PPARD: variants seen among roughly 807,000 people sequenced by gnomAD.
PPARD encodes peroxisome proliferator activated receptor delta, also known as peroxisome proliferator-activated receptor delta.
In PPARD, 6 loss-of-function variants were observed where a neutral mutation model predicts 39.5. The ratio of observed to expected loss-of-function variants is 0.15; its 90% confidence interval spans 0.08 to 0.30. The LOEUF (loss-of-function observed/expected upper bound fraction) is 0.30, where lower values mean the gene tolerates loss of function less well. Ranked by LOEUF, PPARD falls within the 10% of genes least tolerant of loss-of-function variation. The probability of loss-of-function intolerance (pLI) is 1.00; values close to 1 mark genes in which losing one functional copy is unlikely to be tolerated. For missense variants in PPARD, 397 were observed against 596.8 expected (o/e 0.67, Z 3.49); for synonymous variants, 210 against 231.3 (o/e 0.91, Z 0.83).
intron 2 of PPARD, among the ~76,000 whole-genome samples, chr6:35,410,059 T>TA (rs1434066520): frequency 1.3e-5 from 2 of 152,144 alleles, no homozygotes; most frequent in East Asian, 3.8e-4. Context: ...GTTGCTAAAG[T>TA]AAAGATTACT....
rs1473822510 is a variant in PPARD, at chr6:35,401,415, A to C, written c.-101-9572A>C. 6.6e-6 allele frequency among the ~76,000 whole-genome samples: 1 copy of C among 152,130 alleles called. No homozygotes were observed. Among genetic ancestry groups the C allele is most frequent in the East Asian group, 1.9e-4 (1 of 5,186 alleles). Reference sequence around the variant, plus strand: ...GTCTGTTCTCCACAGCAGCCTGAAAAGTCTTTGTAAAAATGCAGCTCTGTT... The same window carrying C: ...GTCTGTTCTCCACAGCAGCCTGAAACGTCTTTGTAAAAATGCAGCTCTGTT... On this transcript the variant is annotated intron_variant, in intron 2 of 7. Transcript: ENST00000360694. This position sits in a 1 kb window ranked among gnomAD's most constrained non-coding sequence, Gnocchi z 4.1.
Position 35,424,243 on chromosome 6 carries a change from T to C in PPARD, c.628-86T>C. Reference sequence around the variant, plus strand: ...GGGAGAGCCAGGCCTTCTCCCTCCCTCAACTTCATGGTGCAGGCAAGGGAC... The same window carrying C: ...GGGAGAGCCAGGCCTTCTCCCTCCCCCAACTTCATGGTGCAGGCAAGGGAC... On this transcript the variant is annotated intron_variant, in intron 6 of 7. Coordinates refer to ENST00000360694, the MANE Select transcript of PPARD (RefSeq NM_006238.5). The surrounding 1 kb of genome is among the most constrained non-coding windows in gnomAD (Gnocchi z 7.1). 1.9e-6 allele frequency: 3 copies of C among 1,592,376 alleles called. No individual in the cohort carries two copies. Among genetic ancestry groups the C allele is most frequent in the Non-Finnish European group, 1.7e-6 (2 of 1,167,904 alleles).
intron 1 of PPARD, among the ~76,000 whole-genome samples, chr6:35,346,419 C>G (rs1792187561): frequency 6.6e-6 from 1 of 152,190 alleles, no homozygotes; most frequent in Non-Finnish European, 1.5e-5. Flanking sequence ...TATATGATGT[C>G]AGAAGCCCTG....
Position 35,355,552 on chromosome 6 carries a change from TAAAAAAAAAAAA to T in PPARD, c.-102+8417_-102+8428del, listed in dbSNP as rs1171537260. ...GGGTGACAGAGTAAGGCCCTGTCTG[TAAAAAAAAAAAA>T]AAAAAAAAAAAAAAGTGCTTTCTTC... is the stretch of plus-strand genomic sequence containing the variant. On this transcript the variant is annotated intron_variant, in intron 2 of 7. Coordinates refer to ENST00000360694, the MANE Select transcript of PPARD (RefSeq NM_006238.5). 1.0e-4 allele frequency among the ~76,000 whole-genome samples: 6 copies of T among 59,418 alleles called. No homozygotes were observed. The East Asian group carries it at 2.1e-3, about 20-fold the overall frequency. The allele number at this position is 59,418 out of a possible 152,430, so 39.0% of individuals were successfully genotyped here.
chr6:35,418,739 C>G (rs1396559408), intron 3 of PPARD, among the ~76,000 whole-genome samples: 2 of 152,092 alleles, frequency 1.3e-5, no homozygotes, highest in Non-Finnish European at 2.9e-5. Flanking sequence ...AAGTTGGGAG[C>G]TAAGGTGCCA....
At position 35,404,953 on chromosome 6, in the gene PPARD, T is replaced by TGTGTGTGTG. The variant is rs1764934030; in HGVS notation, c.-101-6034_-101-6033insGTGTGTGTG. On this transcript the variant is annotated intron_variant, in intron 2 of 7. Coordinates refer to ENST00000360694, the MANE Select transcript of PPARD (RefSeq NM_006238.5). ...GGGGGCTGCATGTGCACTGCAGGCT[T>TGTGTGTGTG]TGTGTGTGTGTGTGTGTGTGTGTGT... 6.9e-4 allele frequency among the ~76,000 whole-genome samples: 98 copies of TGTGTGTGTG among 142,218 alleles called. 1 individual carries two copies. Among genetic ancestry groups the TGTGTGTGTG allele is most frequent in the Admixed American group, 6.2e-3 (90 of 14,564 alleles). 93.3% of individuals were successfully genotyped at this position (142,218 alleles called of 152,430 possible). A position where few individuals can be genotyped will look rare whatever the true frequency, so the allele number is the denominator to read the frequency against.
At chr6:35,391,365 A>T (rs545702767) in intron 2 of PPARD, among the ~76,000 whole-genome samples, 1 of 152,226 alleles carries the variant, frequency 6.6e-6, no homozygotes, top group Non-Finnish European at 1.5e-5. Flanking sequence ...CATTTGCTTG[A>T]TGTGTCATAG....
rs559432216 is a variant in PPARD, at chr6:35,426,249, T to C, written c.*170T>C. 7.3e-5 allele frequency: 58 copies of C among 792,990 alleles called. No homozygotes were observed. In the East Asian group the frequency reaches 8.4e-4, roughly 11 times the overall value. 49.1% of individuals were successfully genotyped at this position (792,990 alleles called of 1,614,324 possible). On this transcript the variant is annotated 3_prime_UTR_variant, in exon 8 of 8. Transcript: ENST00000360694. Reference sequence around the variant, plus strand: ...GGCCTCTGGCTCCCTGTGCCCTCTCTCCCGCTTCCTCCAGCCAGCTCTCTT... The same window carrying C: ...GGCCTCTGGCTCCCTGTGCCCTCTCCCCCGCTTCCTCCAGCCAGCTCTCTT...
Position 35,425,766 on chromosome 6 carries a change from T to C in PPARD, c.1079-66T>C. The C allele has an allele frequency of 6.3e-7, 1 of 1,584,614 alleles. No homozygotes were observed. Among genetic ancestry groups the C allele is most frequent in the South Asian group, 1.1e-5 (1 of 87,050 alleles). ...GCCGTCCCCTGGGCCAAGTCACCTC[T>C]TGGGGTGGAAGTAGGGGAGCTCCAC... On this transcript the variant is annotated intron_variant, in intron 7 of 7. Coordinates refer to ENST00000360694, the MANE Select transcript of PPARD (RefSeq NM_006238.5). This position sits in a 1 kb window ranked among gnomAD's most constrained non-coding sequence, Gnocchi z 4.5.
At position 35,425,632 on chromosome 6, in the gene PPARD, T is replaced by C. The variant is rs1280007973; in HGVS notation, c.1079-200T>C. The stretch of plus-strand genomic sequence containing the variant: ...TAATCGGGGGGGAGGTGGGGACAAA[T>C]TGGCAAAAAACAAAAGAAGTGGATT... On this transcript the variant is annotated intron_variant, in intron 7 of 7. Coordinates refer to ENST00000360694, the MANE Select transcript of PPARD (RefSeq NM_006238.5). The surrounding 1 kb of genome is among the most constrained non-coding windows in gnomAD (Gnocchi z 4.5). Among the ~76,000 whole-genome samples the C allele has an allele frequency of 2.0e-5, 3 of 151,818 alleles. No individual in the cohort carries two copies. The highest frequency in any genetic ancestry group is 1.3e-4 in the Admixed American group (2 of 15,244).
chr6:35,417,180 T>C (rs549225484), intron 3 of PPARD, among the ~76,000 whole-genome samples: 27 of 151,824 alleles, frequency 1.8e-4, no homozygotes, highest in Admixed American at 3.3e-4. Context: ...AAATTTTTTA[T>C]AGAGATAGAG....
chr6:35,344,426 G>T (rs1792049129), intron 1 of PPARD, among the ~76,000 whole-genome samples: 1 of 151,872 alleles, frequency 6.6e-6, no homozygotes, highest in African/African-American at 2.4e-5. Flanking sequence ...CTTCTCTGGG[G>T]CTTGAGAGCC....
At chr6:35,394,040 G>A (rs953271179) in intron 2 of PPARD, among the ~76,000 whole-genome samples, 2 of 152,236 alleles carry the variant, frequency 1.3e-5, no homozygotes, top group Non-Finnish European at 2.9e-5. Context: ...TACAAAAGAT[G>A]TTGATGCTCG....
chr6:35,346,906 G>A (rs770033318), intron 1 of PPARD, among the ~76,000 whole-genome samples, 161 bp from the exon 2 acceptor site: 2 of 152,228 alleles, frequency 1.3e-5, no homozygotes, highest in South Asian at 4.1e-4. Context: ...TGCTGACTCA[G>A]GCTCAGAATC....
At chr6:35,395,143 C>G (rs946769873) in intron 2 of PPARD, among the ~76,000 whole-genome samples, 2 of 152,166 alleles carry the variant, frequency 1.3e-5, no homozygotes, top group Non-Finnish European at 2.9e-5. Context: ...ACTGCCTTAT[C>G]CGAAGGTTAA....
chr6:35,354,480 TA>T (rs1481448868), intron 2 of PPARD, among the ~76,000 whole-genome samples: 2 of 151,784 alleles, frequency 1.3e-5, no homozygotes, highest in African/African-American at 2.4e-5. Context: ...TTTGAATTTT[TA>T]GTAGAGATAG....
At chr6:35,407,957 G>A (rs1353078373) in intron 2 of PPARD, among the ~76,000 whole-genome samples, 1 of 152,090 alleles carries the variant, frequency 6.6e-6, no homozygotes, top group African/African-American at 2.4e-5. Context: ...TTAGGATTGC[G>A]TTCAGTTGCA....
chr6:35,416,489 G>A lies in PPARD; in HGVS notation c.131-3638G>A, dbSNP rs186515215. On this transcript the variant is annotated intron_variant, in intron 3 of 7. Transcript: ENST00000360694. ...GTTGATATGTAAGACCAACATAGCCGCTGCCAGCAAGTTACTAACACTTCT... is the reference window on the plus strand; with the variant it reads ...GTTGATATGTAAGACCAACATAGCCACTGCCAGCAAGTTACTAACACTTCT... 5.9e-4 allele frequency among the ~76,000 whole-genome samples: 88 copies of A among 148,792 alleles called. 1 individual carries two copies. Among genetic ancestry groups the A allele is most frequent in the African/African-American group, 2.0e-3 (83 of 40,728 alleles).
At chr6:35,384,077 G>A in intron 2 of PPARD, among the ~76,000 whole-genome samples, 1 of 148,048 alleles carries the variant, frequency 6.8e-6, no homozygotes, top group Non-Finnish European at 1.5e-5. Flanking sequence ...GCCCCGTCCG[G>A]GAGGGAGGTC....
Sources: gnomAD v4.1 joint callset for allele counts (sites outside exome capture counted in the v4.1 genomes callset) on GRCh38, gnomAD v4.1.1 for gene constraint, Gnocchi (gnomAD v3.1) non-coding constraint, MANE v1.5 for transcripts, NCBI Gene and HGNC (gene_info 2026-07-23, HGNC 2026-07-21) for gene names.